KDM5B: variants seen among roughly 807,000 people sequenced by gnomAD.
KDM5B encodes lysine demethylase 5B.
A neutral mutation model predicts 193.4 loss-of-function variants in KDM5B; 144 were observed. The ratio of observed to expected loss-of-function variants is 0.74; its 90% CI spans 0.65 to 0.86. The LOEUF (loss-of-function observed/expected upper bound fraction) is 0.86, where lower values mean the gene tolerates loss of function less well. Among genes scored for constraint, KDM5B ranks in the 40% least tolerant of loss-of-function variants. KDM5B has a pLI of 0.00. For synonymous variants in KDM5B, 668 were observed against 682.6 expected (o/e 0.98, Z 0.33); for missense variants, 1,833 against 1,886.9 (o/e 0.97, Z 0.53).
rs1654989950 is a variant in KDM5B, at chr1:202,733,823, T to C, written c.3487A>G (p.Asn1163Asp). 1 of 1,614,066 alleles carries C rather than the reference T, an allele frequency of 6.2e-7. No individual in the cohort carries two copies. Among genetic ancestry groups the C allele is most frequent in the Non-Finnish European group, 8.5e-7 (1 of 1,180,032 alleles). ...MEALQSLRLANEGKLLSPLQD... is the reference protein window; with the variant it reads ...MEALQSLRLADEGKLLSPLQD... ...AGAGGCGACAGCAATTTCCCTTCAT[T>C]GGCGAGTCTGAGAGACTGCAAGGCT... Residue 1163 changes from asparagine to aspartate, a missense_variant, in exon 23 of 27, where the codon AAT (asparagine) becomes GAT (aspartate). Transcript: ENST00000367265.
At chr1:202,733,306 C>T (rs1654960962) in intron 23 of KDM5B, 95 bp downstream of exon 23, 2 of 1,427,304 alleles carry the variant, frequency 1.4e-6, no homozygotes, top group African/African-American at 1.4e-5. Flanking sequence ...AAAGTGATCA[C>T]ACCAAGGGAA....
chr1:202,756,036 G>C (rs1407509854), intron 10 of KDM5B, among the ~76,000 whole-genome samples: 2 of 150,362 alleles, frequency 1.3e-5, no homozygotes, highest in African/African-American at 4.9e-5. Context: ...CTTCCTAAGA[G>C]TTCGCTAGTA....
chr1:202,775,129 C>A (rs1572753845), intron 2 of KDM5B, among the ~76,000 whole-genome samples: 2 of 151,358 alleles, frequency 1.3e-5, no homozygotes, highest in East Asian at 3.9e-4. Context: ...CCCAGCTACT[C>A]AGGAGGCTGA....
intron 2 of KDM5B, 57 bp from the exon 3 acceptor site, chr1:202,774,792 A>G: frequency 3.3e-6 from 5 of 1,509,710 alleles, no homozygotes; most frequent in Non-Finnish European, 4.5e-6. Flanking sequence ...AGCTCCTATT[A>G]CCTGCCATTA....
chr1:202,763,812 T>C (rs1486515734), intron 6 of KDM5B, among the ~76,000 whole-genome samples: 1 of 152,216 alleles, frequency 6.6e-6, no homozygotes, highest in African/African-American at 2.4e-5. Flanking sequence ...ACACTCCTAA[T>C]ATGCATACAT....
intron 1 of KDM5B, among the ~76,000 whole-genome samples, chr1:202,801,841 G>A (rs1460140645): frequency 1.3e-5 from 2 of 152,084 alleles, no homozygotes; most frequent in African/African-American, 4.8e-5. Flanking sequence ...TAAGAATATG[G>A]CTTTCCCAAG....
At chr1:202,787,831 A>T (rs1206038205) in intron 1 of KDM5B, among the ~76,000 whole-genome samples, 1 of 151,910 alleles carries the variant, frequency 6.6e-6, no homozygotes, top group Non-Finnish European at 1.5e-5. Context: ...TGGAGGTTGC[A>T]GTGAGCCAAG....
chr1:202,746,942 T>TGAACCA (rs1655583519), intron 14 of KDM5B, among the ~76,000 whole-genome samples: 1 of 152,170 alleles, frequency 6.6e-6, no homozygotes, highest in African/African-American at 2.4e-5. Flanking sequence ...AATAAGGTCT[T>TGAACCA]GAACCAGTAA....
intron 23 of KDM5B, among the ~76,000 whole-genome samples, chr1:202,732,879 C>A (rs1174939538): frequency 6.6e-6 from 1 of 152,140 alleles, no homozygotes; most frequent in Non-Finnish European, 1.5e-5. Context: ...CAAAAGAATC[C>A]AGCTTTTGGC....
At chr1:202,793,793 TA>T (rs1465120797) in intron 1 of KDM5B, among the ~76,000 whole-genome samples, 1 of 152,182 alleles carries the variant, frequency 6.6e-6, no homozygotes, top group African/African-American at 2.4e-5. Flanking sequence ...ATATATTCTA[TA>T]AATCAAAAAT....
chr1:202,742,531 C>T, intron 17 of KDM5B, 26 bp from the exon 18 acceptor site: 1 of 1,607,538 alleles, frequency 6.2e-7, no homozygotes, highest in East Asian at 2.2e-5. Flanking sequence ...CCCAAGGAAG[C>T]CATATAAGAA....
intron 23 of KDM5B, chr1:202,732,241 T>TAA: frequency 3.4e-6 from 1 of 294,238 alleles, no homozygotes; most frequent in South Asian, 4.7e-5. Context: ...TACAGCCTTT[T>TAA]AATCCTTTTC....
intron 14 of KDM5B, 86 bp from the exon 15 acceptor site, chr1:202,746,409 GA>G (rs71564197): frequency 0.16 from 77,379 of 476,018 alleles, 2 homozygotes; most frequent in East Asian, 0.24. Flanking sequence ...ACTTGAGTCT[GA>G]AAAAAAAAAA....
chr1:202,775,908 T>C (rs1162598431), intron 2 of KDM5B, among the ~76,000 whole-genome samples: 1 of 123,088 alleles, frequency 8.1e-6, no homozygotes, highest in Non-Finnish European at 1.6e-5. Context: ...ATATATAATA[T>C]ATACACACAC....
chr1:202,740,109 C>CA (rs941575813), intron 20 of KDM5B, among the ~76,000 whole-genome samples: 1 of 144,818 alleles, frequency 6.9e-6, no homozygotes, highest in Non-Finnish European at 1.5e-5. Context: ...TGGGGCTGAC[C>CA]CCCCCCACCT....
In KDM5B at chr1:202,777,109, A is replaced by T; in HGVS notation, c.205-15T>A. 6.3e-7 allele frequency: 1 copy of T among 1,598,968 alleles called. No homozygotes were observed. Among genetic ancestry groups the T allele is most frequent in the Non-Finnish European group, 8.6e-7 (1 of 1,166,590 alleles). On this transcript the variant is annotated splice_polypyrimidine_tract_variant and intron_variant, in intron 1 of 26. Coordinates refer to ENST00000367265, the MANE Select transcript of KDM5B (RefSeq NM_006618.5). ...GGCTGCCAATCCTAGGAGAAAGCAA[A>T]GGCTCTTATTAGAATAACTTATAAG...
intron 4 of KDM5B, among the ~76,000 whole-genome samples, chr1:202,769,181 C>T (rs1656605111): frequency 6.6e-6 from 1 of 150,904 alleles, no homozygotes; most frequent in African/African-American, 2.4e-5. Context: ...GGACTACAGG[C>T]ACCTGCCACC....
chr1:202,780,481 C>T (rs1302167436), intron 1 of KDM5B, among the ~76,000 whole-genome samples: 1 of 152,012 alleles, frequency 6.6e-6, no homozygotes, highest in Non-Finnish European at 1.5e-5. Context: ...TGAGCCACTG[C>T]GCCTGGCCAT....
intron 1 of KDM5B, among the ~76,000 whole-genome samples, chr1:202,800,843 G>A (rs1476505512): frequency 6.6e-6 from 1 of 152,188 alleles, no homozygotes; most frequent in African/African-American, 2.4e-5. Flanking sequence ...ACCTCCATGT[G>A]CCAACAGACC....
Sources: allele counts gnomAD v4.1 joint callset (sites outside exome capture counted in the v4.1 genomes callset), GRCh38; gene constraint gnomAD v4.1.1; transcripts MANE v1.5; gene names NCBI Gene and HGNC (gene_info 2026-07-23, HGNC 2026-07-21).